Variants in SLC26A6 observed in about 807,000 individuals in gnomAD.
The protein encoded by SLC26A6 is solute carrier family 26 member 6.
In SLC26A6, 67 loss-of-function variants were observed where a neutral mutation model predicts 87.1. The ratio of observed to expected loss-of-function variants is 0.77; its 90% confidence interval spans 0.63 to 0.94. The LOEUF is 0.94. SLC26A6 is among the 40% of genes least tolerant of loss of function. SLC26A6 has a pLI of 0.00. For synonymous variants in SLC26A6, 414 were observed against 405.9 expected (o/e 1.02, Z -0.24); for missense variants, 902 against 973.0 (o/e 0.93, Z 0.97).
Position 48,630,437 on chromosome 3 carries a change from C to T in SLC26A6, c.1326+1G>A. 1.3e-6 allele frequency: 2 copies of T among 1,555,234 alleles called. No individual in the cohort carries two copies. The highest frequency in any genetic ancestry group is 2.4e-5 in the South Asian group (2 of 84,238). On this transcript the variant is annotated splice_donor_variant, in intron 11 of 20. Transcript: ENST00000395550. LOFTEE classifies it high-confidence loss of function. The stretch of plus-strand genomic sequence containing the variant: ...TGAAACCTGGCTGGGTGGGGGCTCA[C>T]CTTGGGCAGGTCATGGAAGAGTTCC...
At chr3:48,632,618 T>A in intron 4 of SLC26A6, 1 of 716,074 alleles carries the variant, frequency 1.4e-6, no homozygotes, top group Non-Finnish European at 2.5e-6. Context: ...TGGCCCTGTC[T>A]CATCTACCCT....
intron 4 of SLC26A6, chr3:48,632,712 G>A: frequency 1.5e-6 from 1 of 682,988 alleles, no homozygotes. Context: ...AGGCTGCTCA[G>A]GCCTCTGCCA....
Position 48,630,728 on chromosome 3 carries a change from G to A in SLC26A6, c.1135-8C>T, listed in dbSNP as rs754316607. On this transcript the variant is annotated splice_polypyrimidine_tract_variant and splice_region_variant and intron_variant, in intron 9 of 20. Coordinates refer to ENST00000395550, the MANE Select transcript of SLC26A6 (RefSeq NM_022911.3). ...GCCCAGGGCCACCAGCTCCTGACGG[G>A]GGACAGTACGGGTGTGAGAAGACTT... 105 of 1,588,208 alleles carry A rather than the reference G, an allele frequency of 6.6e-5. 1 individual carries two copies. In the Admixed American group the frequency reaches 1.2e-3, roughly 18 times the overall value.
At position 48,633,225 on chromosome 3, in the gene SLC26A6, A is replaced by G. The variant is rs902789651; in HGVS notation, c.322+26T>C. On this transcript the variant is annotated intron_variant, in intron 3 of 20. Coordinates refer to ENST00000395550, the MANE Select transcript of SLC26A6 (RefSeq NM_022911.3). ...GGGCATCACAGACCACAGGGTTTCCAGGCCGACGCACTGAAGGTGGCTCAC... is the reference window on the plus strand; with the variant it reads ...GGGCATCACAGACCACAGGGTTTCCGGGCCGACGCACTGAAGGTGGCTCAC... 4.7e-5 allele frequency: 75 copies of G among 1,606,640 alleles called. No individual in the cohort carries two copies. The Admixed American group carries it at 1.3e-3, about 27-fold the overall frequency.
chr3:48,632,653 G>A lies in SLC26A6; in HGVS notation c.434-257C>T, dbSNP rs375459566. On this transcript the variant is annotated intron_variant, in intron 4 of 20. Transcript: ENST00000395550. ...TGTCCCACCTGTGTCTACTGGTCCC[G>A]GGACACAGAGGCTCTCTGTGGAGTA... is the stretch of plus-strand genomic sequence containing the variant. 2.3e-5 allele frequency: 16 copies of A among 692,888 alleles called. 1 individual carries two copies. The highest frequency in any genetic ancestry group is 4.1e-5 in the Admixed American group (2 of 49,332). The allele number at this position is 692,888 out of a possible 1,614,324, so 42.9% of individuals were successfully genotyped here.
chr3:48,634,244 G>A (rs2046891436), intron 1 of SLC26A6: 1 of 153,780 alleles, frequency 6.5e-6, no homozygotes, highest in Non-Finnish European at 1.4e-5. Flanking sequence ...CTGAGAAGGA[G>A]CTTGCTCTTG....
chr3:48,626,163 G>A, intron 20 of SLC26A6, 55 bp downstream of exon 20: 1 of 1,612,790 alleles, frequency 6.2e-7, no homozygotes, highest in South Asian at 1.1e-5. Context: ...GGGCCAGGGT[G>A]GGGACAAGCA....
At position 48,626,927 on chromosome 3, in the gene SLC26A6, G is replaced by A. The variant is rs1365856853; in HGVS notation, c.2022C>T (p.Asp674=). Reference sequence around the variant, plus strand: ...TGTCCACAAAGGAGAGGGCACCCAGGTCCAGGATGAGGCTGTGGAAGTCTG... The same window carrying A: ...TGTCCACAAAGGAGAGGGCACCCAGATCCAGGATGAGGCTGTGGAAGTCTG... ...PQPDFHSLIL[D]LGALSFVDTV... is the part of the protein sequence containing the mutation. The change falls in exon 18 of 21, where the codon GAC becomes GAT. Residue 674 remains aspartate (D), a synonymous_variant. Transcript: ENST00000395550. 6 of 1,614,086 alleles carry A rather than the reference G, an allele frequency of 3.7e-6. No homozygotes were observed. The highest frequency in any genetic ancestry group is 5.1e-6 in the Non-Finnish European group (6 of 1,180,038).
chr3:48,629,052 C>T (rs2046706549), intron 14 of SLC26A6, among the ~76,000 whole-genome samples: 1 of 152,186 alleles, frequency 6.6e-6, no homozygotes, highest in Admixed American at 6.5e-5. Flanking sequence ...TCAGACCTTC[C>T]CCGCTCCCAC....
At chr3:48,627,097 T>C (rs1559464293) in intron 17 of SLC26A6, 42 bp from the exon 18 acceptor site, 7 of 1,595,248 alleles carry the variant, frequency 4.4e-6, no homozygotes, top group Non-Finnish European at 6.0e-6. Context: ...CATGAGAGAG[T>C]GAAGGCAGGA....
rs763132961 is a variant in SLC26A6, at chr3:48,633,097, TG to T, written c.323-14del. 6 of 1,608,046 alleles carry T rather than the reference TG, an allele frequency of 3.7e-6. No homozygotes were observed. Among genetic ancestry groups the T allele is most frequent in the African/African-American group, 2.7e-5 (2 of 75,034 alleles). Reference sequence around the variant, plus strand: ...GCGTAGGCCAAGCCTAGGGGTAGAATGGTAGCAGTGCAGGCCTGGAGAGCAG... The same window carrying T: ...GCGTAGGCCAAGCCTAGGGGTAGAATGTAGCAGTGCAGGCCTGGAGAGCAG... On this transcript the variant is annotated splice_polypyrimidine_tract_variant and intron_variant, in intron 3 of 20. Coordinates refer to ENST00000395550, the MANE Select transcript of SLC26A6 (RefSeq NM_022911.3).
rs150703533 is a variant in SLC26A6, at chr3:48,630,174, G to A, written c.1327-17C>T. On this transcript the variant is annotated splice_polypyrimidine_tract_variant and intron_variant, in intron 11 of 20. Coordinates refer to ENST00000395550, the MANE Select transcript of SLC26A6 (RefSeq NM_022911.3). ...CAGGACCGCCTGGGGTGGGGACAGT[G>A]CCACCAGGGGCCATTGAGGGCACCC... The A allele has an allele frequency of 2.5e-4, 403 of 1,600,920 alleles. 2 individuals carry two copies. In the African/African-American group the frequency reaches 4.9e-3, roughly 19 times the overall value.
Position 48,628,311 on chromosome 3 carries a change from G to A in SLC26A6, c.1800+123C>T. ...GGGGAGTGAAGCAGGGTCCCTGGGA[G>A]CATGAGGGAGAAAGGGGAAGGGATG... On this transcript the variant is annotated intron_variant, in intron 16 of 20. Transcript: ENST00000395550. This position sits in a 1 kb window ranked among gnomAD's most constrained non-coding sequence, Gnocchi z 4.4. 1.5e-6 allele frequency: 2 copies of A among 1,326,982 alleles called. No homozygotes were observed. The highest frequency in any genetic ancestry group is 2.7e-5 in the South Asian group (2 of 74,564). The allele number at this position is 1,326,982 out of a possible 1,614,324, so 82.2% of individuals were successfully genotyped here.
chr3:48,627,016 T>A lies in SLC26A6; in HGVS notation c.1933A>T (p.Asn645Tyr), dbSNP rs753951977. Reference sequence around the variant, plus strand: ...GGGGCCTTGGAGTCTTCTTGACCATTGGCTGTTGCATCTTCCATCTTATCT... The same window carrying A: ...GGGGCCTTGGAGTCTTCTTGACCATAGGCTGTTGCATCTTCCATCTTATCT... ...SGDKMEDATA[N>Y]GQEDSKAPDG... Residue 645 changes from asparagine (N) to tyrosine (Y), a missense_variant, in exon 18 of 21, where the codon AAT becomes TAT. Physicochemically the swap from Asn to Tyr is moderately radical, Grantham distance 143. Transcript: ENST00000395550. 1.2e-6 allele frequency: 2 copies of A among 1,614,090 alleles called. No homozygotes were observed. Among genetic ancestry groups the A allele is most frequent in the South Asian group, 2.2e-5 (2 of 91,078 alleles).
At chr3:48,632,854 G>A in intron 4 of SLC26A6, 120 bp downstream of exon 4, 1 of 989,852 alleles carries the variant, frequency 1.0e-6, no homozygotes, top group South Asian at 1.5e-5. Flanking sequence ...CTAGCCCAGG[G>A]ATGCAGCACC....
chr3:48,633,253 T>C lies in SLC26A6; in HGVS notation c.320A>G (p.Gln107Arg), dbSNP rs1575531394. ...GLSVAIMQLP[Q>R]GLAYALLAGL... ...CCGACGCACTGAAGGTGGCTCACCC[T>C]GCGGAAGCTGCATGATGGCCACACT... Residue 107 changes from glutamine to arginine, a missense_variant and splice_region_variant, in exon 3 of 21, where the codon CAG becomes CGG. This residue lies in a region of SLC26A6 where 800 missense variants were observed against 856.8 expected (regional missense o/e 0.93). Transcript: ENST00000395550. 1 of 1,612,682 alleles carries C rather than the reference T, an allele frequency of 6.2e-7. No homozygotes were observed. The highest frequency in any genetic ancestry group is 8.5e-7 in the Non-Finnish European group (1 of 1,179,706).
chr3:48,634,557 G>A (rs944937623), intron 1 of SLC26A6, among the ~76,000 whole-genome samples: 6 of 152,220 alleles, frequency 3.9e-5, no homozygotes, highest in African/African-American at 1.4e-4. Context: ...GACCTCGGGC[G>A]AGGCTCCCAC....
chr3:48,628,251 G>A lies in SLC26A6; in HGVS notation c.1800+183C>T, dbSNP rs551345529. 9.9e-6 allele frequency: 8 copies of A among 808,696 alleles called. No individual in the cohort carries two copies. The East Asian group carries it at 1.6e-4, about 16-fold the overall frequency. 50.1% of individuals were successfully genotyped at this position (808,696 alleles called of 1,614,324 possible). ...CTCACTGTCACTGGTTCAGATGATG[G>A]GAGAGAAAATGCTGCCTAGAGCCCG... On this transcript the variant is annotated intron_variant, in intron 16 of 20. Coordinates refer to ENST00000395550, the MANE Select transcript of SLC26A6 (RefSeq NM_022911.3). The surrounding 1 kb of genome is among the most constrained non-coding windows in gnomAD (Gnocchi z 4.4).
In SLC26A6 at chr3:48,633,376, C is replaced by A; in HGVS notation, c.197G>T (p.Arg66Leu). ...GTGTTGGAGCAGAAGGGCATAGGCC[C>A]GAGCACGGGAGCACCTAGGGACATG... ...WRTWLQCSRARAYALLLQHLP... is the reference protein window; with the variant it reads ...WRTWLQCSRALAYALLLQHLP... Residue 66 changes from arginine to leucine, a missense_variant, in exon 3 of 21, where the codon CGG becomes CTG. Physicochemically the swap from Arg to Leu is moderately radical, Grantham distance 102. This residue lies in a region of SLC26A6 where 800 missense variants were observed against 856.8 expected (regional missense o/e 0.93). Transcript: ENST00000395550. The A allele has an allele frequency of 6.2e-7, 1 of 1,613,380 alleles. No homozygotes were observed.
Sources: gnomAD v4.1 joint callset for allele counts (sites outside exome capture counted in the v4.1 genomes callset) on GRCh38, gnomAD v4.1.1 for gene constraint, gnomAD v4.1.1 regional missense constraint, Gnocchi (gnomAD v3.1) non-coding constraint, MANE v1.5 for transcripts, NCBI Gene and HGNC (gene_info 2026-07-23, HGNC 2026-07-21) for gene names.